Variants in REDIC1 observed in about 807,000 individuals in gnomAD.
The protein encoded by REDIC1 is HEI10 Interacting Protein 1.
the REDIC1 span, among the ~76,000 whole-genome samples, chr12:39,809,678 T>A: frequency 1.3e-5 from 2 of 151,886 alleles, no homozygotes; most frequent in African/African-American, 4.8e-5. Flanking sequence ...CACAACAGTC[T>A]CTGGTGTGTG....
the REDIC1 span, among the ~76,000 whole-genome samples, chr12:39,812,133 A>C: frequency 6.6e-6 from 1 of 152,246 alleles, no homozygotes. Context: ...TCTAGGCACA[A>C]GAAGATTTGG....
chr12:39,712,153 C>CATGTATATGTACATGTATCTATACCTGT, the REDIC1 span, among the ~76,000 whole-genome samples: 1 of 95,072 alleles, frequency 1.1e-5, no homozygotes. Flanking sequence ...TACATCTATA[C>CATGTATATGTACATGTATCTATACCTGT]ATGTATATGT....
At chr12:39,667,374 G>T in the REDIC1 span, among the ~76,000 whole-genome samples, 10 of 152,184 alleles carry the variant, frequency 6.6e-5, no homozygotes, top group African/African-American at 2.2e-4. Flanking sequence ...TAGTTTAGCG[G>T]TTTTGAGTGA....
the REDIC1 span, among the ~76,000 whole-genome samples, chr12:39,711,687 ATGTATG>A: frequency 2.0e-4 from 15 of 75,008 alleles, no homozygotes; most frequent in East Asian, 3.9e-4. Flanking sequence ...GTGTATGCAC[ATGTATG>A]TGTATGTGTA....
At chr12:39,727,533 A>G in the REDIC1 span, among the ~76,000 whole-genome samples, 2 of 152,064 alleles carry the variant, frequency 1.3e-5, no homozygotes, top group African/African-American at 2.4e-5. Flanking sequence ...TACCAGTACC[A>G]TGTTGTTTTG....
At chr12:39,905,885 C>T in the REDIC1 span, among the ~76,000 whole-genome samples, 1 of 150,504 alleles carries the variant, frequency 6.6e-6, no homozygotes, top group Non-Finnish European at 1.5e-5. Flanking sequence ...GATGAGATGT[C>T]CTTTGAAAAT....
At chr12:39,711,369 A>G in the REDIC1 span, among the ~76,000 whole-genome samples, 1 of 146,862 alleles carries the variant, frequency 6.8e-6, no homozygotes, top group Non-Finnish European at 1.5e-5. Context: ...ACATATATAC[A>G]CATATACATA....
At chr12:39,684,875 T>C in the REDIC1 span, 56 of 1,610,460 alleles carry the variant, frequency 3.5e-5, no homozygotes, top group Admixed American at 7.2e-4. Context: ...AGGGGAAATA[T>C]ACCTTCGGAA....
chr12:39,641,056 T>C, the REDIC1 span: 1 of 1,300,108 alleles, frequency 7.7e-7, no homozygotes, highest in Non-Finnish European at 1.1e-6. Context: ...GAAGTGCTTT[T>C]CTACCACTAA....
the REDIC1 span, among the ~76,000 whole-genome samples, chr12:39,667,786 C>T: frequency 6.6e-6 from 1 of 152,176 alleles, no homozygotes; most frequent in Non-Finnish European, 1.5e-5. Context: ...ATAGTTAGCT[C>T]TTCTTGTTGA....
At chr12:39,880,350 T>TA in the REDIC1 span, among the ~76,000 whole-genome samples, 2 of 152,228 alleles carry the variant, frequency 1.3e-5, no homozygotes, top group African/African-American at 4.8e-5. Flanking sequence ...GAACTATTTT[T>TA]AAAAAATTAA....
the REDIC1 span, among the ~76,000 whole-genome samples, chr12:39,704,572 G>A: frequency 8.6e-5 from 13 of 151,902 alleles, no homozygotes; most frequent in African/African-American, 3.1e-4. Context: ...CCATTACTGG[G>A]TATATACCCA....
chr12:39,787,916 A>G, the REDIC1 span, among the ~76,000 whole-genome samples: 3 of 152,184 alleles, frequency 2.0e-5, no homozygotes, highest in African/African-American at 4.8e-5. Flanking sequence ...AAAGAGCAGT[A>G]TTGTCACCTA....
chr12:39,861,054 T>C, the REDIC1 span, among the ~76,000 whole-genome samples: 178 of 152,368 alleles, frequency 1.2e-3, no homozygotes, highest in African/African-American at 4.2e-3. Context: ...CATAGTCATC[T>C]TCTTTCAGTT....
At chr12:39,757,025 C>G in the REDIC1 span, 1 of 151,436 alleles carries the variant, frequency 6.6e-6, no homozygotes, top group African/African-American at 2.4e-5. Context: ...AAATGATTGA[C>G]TAAGGAGCAA....
At chr12:39,707,731 A>C in the REDIC1 span, among the ~76,000 whole-genome samples, 1 of 151,930 alleles carries the variant, frequency 6.6e-6, no homozygotes, top group Non-Finnish European at 1.5e-5. Flanking sequence ...TTGAGAAGTT[A>C]CACCTCCTTG....
At chr12:39,749,246 C>T in the REDIC1 span, among the ~76,000 whole-genome samples, 17 of 152,062 alleles carry the variant, frequency 1.1e-4, no homozygotes, top group Admixed American at 5.9e-4. Context: ...ATATCACCAC[C>T]GATCCCACAG....
the REDIC1 span, among the ~76,000 whole-genome samples, chr12:39,752,211 A>C: frequency 3.9e-5 from 6 of 152,260 alleles, no homozygotes; most frequent in East Asian, 9.7e-4. Context: ...CCTATTAGGA[A>C]CCAAGCCACA....
chr12:39,682,493 A>G, the REDIC1 span: 8 of 558,366 alleles, frequency 1.4e-5, no homozygotes, highest in South Asian at 7.4e-5. Flanking sequence ...AAATAAAAAC[A>G]TAGTCTAGGT....
Sources: gnomAD v4.1 joint callset for allele counts (sites outside exome capture counted in the v4.1 genomes callset) on GRCh38, gnomAD v4.1.1 for gene constraint, MANE v1.5 for transcripts, NCBI Gene and HGNC (gene_info 2026-07-23, HGNC 2026-07-21) for gene names.